PRR5L: variants seen among roughly 807,000 people sequenced by gnomAD.
The protein encoded by PRR5L is proline-rich protein 5-like.
Under a neutral mutation model 36.4 loss-of-function variants are expected in PRR5L, and 21 were observed. The ratio of observed to expected loss-of-function variants is 0.58; its 90% CI spans 0.41 to 0.83. The LOEUF (loss-of-function observed/expected upper bound fraction) is 0.83. Among genes scored for constraint, PRR5L ranks in the 40% least tolerant of loss-of-function variants. The probability of loss-of-function intolerance (pLI) is 0.00; values close to 1 mark genes in which losing one functional copy is unlikely to be tolerated. For synonymous variants in PRR5L, 188 were observed against 197.0 expected, an observed-to-expected ratio of 0.95 and a Z score of 0.38; for missense variants, 381 against 473.3, an observed-to-expected ratio of 0.80 and a Z score of 1.81.
chr11:36,298,391 G>C (rs1384209746), intron 1 of PRR5L, among the ~76,000 whole-genome samples: 1 of 151,670 alleles, frequency 6.6e-6, no homozygotes, highest in Non-Finnish European at 1.5e-5. Context: ...GAATCAGTGG[G>C]AGCCCTAAAC....
chr11:36,426,061 C>T (rs890432525), intron 4 of PRR5L: 3 of 152,244 alleles, frequency 2.0e-5, no homozygotes, highest in South Asian at 2.1e-4. Context: ...TGTGGATAGT[C>T]GAGAGGAAGG....
intron 4 of PRR5L, among the ~76,000 whole-genome samples, chr11:36,427,163 T>G (rs1019347086): frequency 5.9e-5 from 9 of 152,248 alleles, no homozygotes; most frequent in Admixed American, 1.3e-4. Flanking sequence ...CATTTTTCTG[T>G]TTGCAGCCCG....
At chr11:36,391,968 A>T (rs542939696) in intron 1 of PRR5L, among the ~76,000 whole-genome samples, 32 of 152,230 alleles carry the variant, frequency 2.1e-4, no homozygotes, top group African/African-American at 7.5e-4. Context: ...CTCCCACCAC[A>T]ACTACCCCTT....
At chr11:36,323,767 C>A (rs1311265216) in intron 1 of PRR5L, among the ~76,000 whole-genome samples, 1 of 152,182 alleles carries the variant, frequency 6.6e-6, no homozygotes, top group East Asian at 1.9e-4. Context: ...CACCAGTAAT[C>A]CCAGTTACTT....
At chr11:36,432,062 T>C (rs1858508403) in intron 5 of PRR5L, 152 bp downstream of exon 5, 1 of 600,328 alleles carries the variant, frequency 1.7e-6, no homozygotes, top group African/African-American at 1.8e-5. Flanking sequence ...GCACTTTGAT[T>C]TGAGTCAGCT....
chr11:36,449,203 G>A (rs1858895275), intron 7 of PRR5L, among the ~76,000 whole-genome samples: 5 of 152,224 alleles, frequency 3.3e-5, no homozygotes, highest in African/African-American at 9.7e-5. Flanking sequence ...ATGGCCTCTG[G>A]ATCTGAATGG....
rs139895048 is a variant in PRR5L at position 36,308,366 on chromosome 11, T to A, written c.-126+11928T>A. Among the ~76,000 whole-genome samples, 104 of 152,262 alleles carry A rather than the reference T, an allele frequency of 6.8e-4. 2 individuals are homozygous for A. In the East Asian group the frequency reaches 0.02, roughly 29 times the overall value. On this transcript the variant is annotated intron_variant, in intron 1 of 8. Transcript: ENST00000530639. ...GCCCCAATCCTCAAAGAAAGGGGAT[T>A]TGAAAGTTTGGTTTGAGGCAGGTTT...
chr11:36,432,791 G>A (rs914009665), intron 5 of PRR5L, among the ~76,000 whole-genome samples: 12 of 152,050 alleles, frequency 7.9e-5, no homozygotes, highest in African/African-American at 2.9e-4. Context: ...CTTATTAGGT[G>A]TCATGTCATC....
chr11:36,378,151 G>A (rs1286431998), intron 1 of PRR5L, among the ~76,000 whole-genome samples: 2 of 152,148 alleles, frequency 1.3e-5, no homozygotes, highest in East Asian at 3.8e-4. Context: ...AAATTGCTCT[G>A]GGGTGGAAGG....
At chr11:36,351,740 A>ATATATTTT (rs1856975288) in intron 1 of PRR5L, among the ~76,000 whole-genome samples, 1 of 106,626 alleles carries the variant, frequency 9.4e-6, no homozygotes, top group Non-Finnish European at 1.7e-5. Context: ...TTATATATTT[A>ATATATTTT]TATATAATTT....
intron 1 of PRR5L, among the ~76,000 whole-genome samples, chr11:36,378,558 A>G (rs940262955): frequency 4.6e-5 from 7 of 152,216 alleles, no homozygotes; most frequent in Non-Finnish European, 8.8e-5. Flanking sequence ...TTATTTCTCA[A>G]AGGCTTAGTT....
At chr11:36,322,358 CA>C (rs1856621293) in intron 1 of PRR5L, among the ~76,000 whole-genome samples, 1 of 152,042 alleles carries the variant, frequency 6.6e-6, no homozygotes, top group Non-Finnish European at 1.5e-5. Flanking sequence ...ACAATATGTA[CA>C]CCATAAATTC....
chr11:36,325,059 G>GTGGC (rs1302121406), intron 1 of PRR5L, among the ~76,000 whole-genome samples: 1 of 152,172 alleles, frequency 6.6e-6, no homozygotes, highest in Non-Finnish European at 1.5e-5. Context: ...TTCCAACATG[G>GTGGC]TGGCAAGCCT....
intron 1 of PRR5L, among the ~76,000 whole-genome samples, chr11:36,341,369 A>G (rs1225868732): frequency 6.6e-6 from 1 of 152,210 alleles, no homozygotes; most frequent in Non-Finnish European, 1.5e-5. Flanking sequence ...GGCTGTCCAA[A>G]GACCAACCTG....
intron 1 of PRR5L, among the ~76,000 whole-genome samples, chr11:36,367,510 C>T (rs930243702): frequency 2.6e-5 from 4 of 152,146 alleles, no homozygotes; most frequent in African/African-American, 9.7e-5. Flanking sequence ...TGGAACTGTC[C>T]TTAAATGGTA....
rs1475404311 is a variant in PRR5L, at chr11:36,351,744, A to ATTTTT, written c.-125-49252_-125-49251insTTTTT. On this transcript the variant is annotated intron_variant, in intron 1 of 8. Transcript: ENST00000530639. ...TTATATATTTTTTATATATTTATATATAATTTATATATATTTATATATTTA... is the reference window on the plus strand; with the variant it reads ...TTATATATTTTTTATATATTTATATATTTTTTAATTTATATATATTTATATATTTA... Among the ~76,000 whole-genome samples, 927 of 92,924 alleles carry ATTTTT rather than the reference A, an allele frequency of 1.0e-2. 96 individuals carry two copies. Among genetic ancestry groups the ATTTTT allele is most frequent in the Non-Finnish European group, 0.012 (606 of 50,696 alleles). 61.0% of individuals were successfully genotyped at this position (92,924 alleles called of 152,430 possible).
intron 1 of PRR5L, among the ~76,000 whole-genome samples, chr11:36,300,241 C>A (rs1328810263): frequency 6.6e-6 from 1 of 152,122 alleles, no homozygotes; most frequent in Non-Finnish European, 1.5e-5. Context: ...GCACTTGCAT[C>A]TGCTCAGCTT....
rs532954573 is a variant in PRR5L at position 36,338,404 on chromosome 11, G to A, written c.-126+41966G>A. Among the ~76,000 whole-genome samples the A allele has an allele frequency of 6.6e-5, 10 of 152,132 alleles. No homozygotes were observed. The South Asian group carries it at 2.1e-3, about 32-fold the overall frequency. On this transcript the variant is annotated intron_variant, in intron 1 of 8. Coordinates refer to ENST00000530639, the MANE Select transcript of PRR5L (RefSeq NM_001160167.2). ...AATTTTGTTTCCATGATTCTTTCCC[G>A]TAATTGCTGGAATCTGAAATGACTT...
At chr11:36,429,971 A>T (rs1435496521) in intron 4 of PRR5L, among the ~76,000 whole-genome samples, 1 of 152,224 alleles carries the variant, frequency 6.6e-6, no homozygotes, top group Non-Finnish European at 1.5e-5. Flanking sequence ...TGGAAGCTAA[A>T]GAACAGGTTA....
Sources: gnomAD v4.1 joint callset for allele counts (sites outside exome capture counted in the v4.1 genomes callset) on GRCh38, gnomAD v4.1.1 for gene constraint, MANE v1.5 for transcripts, NCBI Gene and HGNC (gene_info 2026-07-23, HGNC 2026-07-21) for gene names.